The following NOS2 variants were observed in gnomAD, a reference collection of about 807,000 sequenced individuals.
NOS2 encodes nitric oxide synthase 2.
NOS2 carries 96 observed loss-of-function variants against 136.0 expected under a neutral mutation model. The ratio of observed to expected loss-of-function variants is 0.71; its 90% CI spans 0.60 to 0.84. The LOEUF (loss-of-function observed/expected upper bound fraction) is 0.84, where lower values mean the gene tolerates loss of function less well. Ranked by LOEUF, NOS2 falls within the 40% of genes least tolerant of loss-of-function variation. The pLI, the probability that NOS2 is intolerant of heterozygous loss-of-function variation, is 0.00. For synonymous variants in NOS2, 539 were observed against 587.5 expected (o/e 0.92, Z 1.20); for missense variants, 1,237 against 1,496.9 (o/e 0.83, Z 2.87).
chr17:27,770,997 G>A lies in NOS2; in HGVS notation c.1725C>T (p.Tyr575=), dbSNP rs1211585868. 3 of 1,613,906 alleles carry A rather than the reference G, an allele frequency of 1.9e-6. No homozygotes were observed. Among genetic ancestry groups the A allele is most frequent in the South Asian group, 1.1e-5 (1 of 91,042 alleles). ...GTTCCTCCTCCAGGCAGCTCAGCCT[G>A]TACTTATCCATGCAGACAACCTGGA... The part of the protein sequence containing the change: ...FNPKVVCMDK[Y]RLSCLEEERL... Residue 575 remains tyrosine (Y), a synonymous_variant, in exon 15 of 27, where the codon TAC becomes TAT. Coordinates refer to ENST00000313735, the MANE Select transcript of NOS2 (RefSeq NM_000625.4).
intron 2 of NOS2, among the ~76,000 whole-genome samples, chr17:27,796,969 C>T (rs1756158397): frequency 6.6e-6 from 1 of 152,162 alleles, no homozygotes; most frequent in Non-Finnish European, 1.5e-5. Flanking sequence ...GACTGTCCTG[C>T]TCAAGAACCT....
chr17:27,763,324 T>A (rs923492662), intron 21 of NOS2, among the ~76,000 whole-genome samples: 4 of 152,176 alleles, frequency 2.6e-5, no homozygotes, highest in Non-Finnish European at 5.9e-5. Flanking sequence ...TGGCTGGGTG[T>A]CCTCACTAGC....
chr17:27,760,330 A>T lies in NOS2; in HGVS notation c.3011-152T>A. The T allele has an allele frequency of 4.6e-6, 4 of 866,004 alleles. No individual in the cohort carries two copies. The South Asian group carries it at 7.2e-5, about 16-fold the overall frequency. The allele number at this position is 866,004 out of a possible 1,614,324, so 53.6% of individuals were successfully genotyped here. On this transcript the variant is annotated intron_variant, in intron 24 of 26. Transcript: ENST00000313735. ...GGAAACTGAGGCCCAGCGCATTCAG[A>T]TCACTCATCCATAGTCACAGAACTG...
intron 2 of NOS2, among the ~76,000 whole-genome samples, chr17:27,792,705 G>A (rs1048605225): frequency 1.3e-5 from 2 of 151,738 alleles, no homozygotes; most frequent in African/African-American, 4.8e-5. Context: ...GCAGCTGGGC[G>A]CGGTGGCTGA....
rs1301054459 is a variant in NOS2 at position 27,757,266 on chromosome 17, G to A, written c.3442C>T (p.Leu1148=). 3 of 1,613,872 alleles carry A rather than the reference G, an allele frequency of 1.9e-6. No individual in the cohort carries two copies. The highest frequency in any genetic ancestry group is 2.5e-6 in the Non-Finnish European group (3 of 1,179,962). The change falls in exon 27 of 27, where the codon CTG becomes TTG. Residue 1148 remains leucine (L), a synonymous_variant. Coordinates refer to ENST00000313735, the MANE Select transcript of NOS2 (RefSeq NM_000625.4). ...GGCCCTCAGAGCGCTGACATCTCCA[G>A]GCTGCTGGGCTGCACCGCCACCCTG... The part of the protein sequence containing the change: ...KDRVAVQPSS[L]EMSAL
intron 26 of NOS2, among the ~76,000 whole-genome samples, 179 bp from the exon 27 acceptor site, chr17:27,757,532 G>C (rs531009506): frequency 2.0e-5 from 3 of 152,112 alleles, no homozygotes; most frequent in Non-Finnish European, 4.4e-5. Context: ...TCTGGTGCGG[G>C]CCCTCTAACC....
intron 3 of NOS2, among the ~76,000 whole-genome samples, chr17:27,789,288 A>G (rs1909117676): frequency 6.6e-6 from 1 of 152,194 alleles, no homozygotes; most frequent in Non-Finnish European, 1.5e-5. Context: ...ATGTAAGGAC[A>G]TATAAGCCAC....
At position 27,775,373 on chromosome 17, in the gene NOS2, A is replaced by C. The variant is rs189737518; in HGVS notation, c.1282-922T>G. ...AGCACTTTGGGAGGGCGAGACGGGG[A>C]GATCACCTGAGGTCGGGAGTTTGAG... On this transcript the variant is annotated intron_variant, in intron 11 of 26. Transcript: ENST00000313735. 7.9e-5 allele frequency among the ~76,000 whole-genome samples: 12 copies of C among 152,172 alleles called. No individual in the cohort carries two copies. In the East Asian group the frequency reaches 2.3e-3, roughly 29 times the overall value.
At chr17:27,777,862 T>G (rs554027826) in intron 11 of NOS2, among the ~76,000 whole-genome samples, 1 of 151,762 alleles carries the variant, frequency 6.6e-6, no homozygotes, top group Non-Finnish European at 1.5e-5. Flanking sequence ...CTGGGCAACA[T>G]GGAAAAACAC....
In NOS2 at chr17:27,788,796, GC is replaced by G; in HGVS notation, c.318+12del. 1 of 1,610,152 alleles carries G rather than the reference GC, an allele frequency of 6.2e-7. No homozygotes were observed. The highest frequency in any genetic ancestry group is 8.5e-7 in the Non-Finnish European group (1 of 1,177,252). On this transcript the variant is annotated intron_variant, in intron 4 of 26. Transcript: ENST00000313735. Reference sequence around the variant, plus strand: ...TGGGACAAAGGTGGTTCTCCCTGAAGCCCCAGACTTACCCCTTTGGCCTTAT... The same window carrying G: ...TGGGACAAAGGTGGTTCTCCCTGAAGCCCAGACTTACCCCTTTGGCCTTAT...
rs766027567 is a variant in NOS2 at position 27,769,164 on chromosome 17, A to G, written c.1860-13T>C. ...AAACACAGCGTACCTGCCCGAGGAC[A>G]CACACAGAGACACATGTCCCATGCA... On this transcript the variant is annotated splice_polypyrimidine_tract_variant and intron_variant, in intron 16 of 26. Coordinates refer to ENST00000313735, the MANE Select transcript of NOS2 (RefSeq NM_000625.4). 1.3e-6 allele frequency: 2 copies of G among 1,596,802 alleles called. No individual in the cohort carries two copies. Among genetic ancestry groups the G allele is most frequent in the Admixed American group, 3.4e-5 (2 of 59,208 alleles).
Position 27,765,549 on chromosome 17 carries a change from G to T in NOS2, c.2414C>A (p.Ala805Asp), listed in dbSNP as rs199892476. The T allele has an allele frequency of 1.2e-6, 2 of 1,604,450 alleles. No individual in the cohort carries two copies. The highest frequency in any genetic ancestry group is 1.7e-6 in the Non-Finnish European group (2 of 1,176,674). The change falls in exon 20 of 27, where the codon GCC becomes GAC. Residue 805 changes from alanine to aspartate, a missense_variant. Physicochemically the swap from Ala to Asp is moderately radical, Grantham distance 126 (BLOSUM62 -2). Coordinates refer to ENST00000313735, the MANE Select transcript of NOS2 (RefSeq NM_000625.4). Reference protein sequence around the residue: ...PTPHQTVRLEALDESGSYWVS... With the variant: ...PTPHQTVRLEDLDESGSYWVS... ...CCGGGGCTCACCACTCTCATCCAGG[G>T]CCTCCAGGCGCACTGTCTGGTGGGG... is the stretch of plus-strand genomic sequence containing the variant.
In NOS2 at chr17:27,769,157, C is replaced by T. The variant is rs200233926; in HGVS notation, c.1860-6G>A. The T allele has an allele frequency of 1.9e-6, 3 of 1,603,594 alleles. No individual in the cohort carries two copies. The highest frequency in any genetic ancestry group is 2.2e-5 in the East Asian group (1 of 44,810). ...CGAGGCCAAACACAGCGTACCTGCC[C>T]GAGGACACACACAGAGACACATGTC... On this transcript the variant is annotated splice_polypyrimidine_tract_variant and splice_region_variant and intron_variant, in intron 16 of 26. Transcript: ENST00000313735.
At chr17:27,773,326 T>C (rs567799095) in intron 12 of NOS2, 83 bp from the exon 13 acceptor site, 3 of 896,204 alleles carry the variant, frequency 3.3e-6, no homozygotes, top group Admixed American at 2.0e-5. Flanking sequence ...TAGAGGACCC[T>C]TCACACCCAT....
At position 27,778,997 on chromosome 17, in the gene NOS2, A is replaced by G. The variant is rs1239603934; in HGVS notation, c.1064T>C (p.Met355Thr). 6.2e-7 allele frequency: 1 copy of G among 1,611,590 alleles called. No homozygotes were observed. The highest frequency in any genetic ancestry group is 1.3e-5 in the African/African-American group (1 of 74,838). ...KWYALPAVAN[M>T]LLEVGGLEFP... ...CTCCAGGCCGCCCACCTCAAGCAGC[A>G]TGTTGGCCACTGCAGGCAGGGCGTA... The change falls in exon 10 of 27, where the codon ATG (methionine) becomes ACG (threonine). Residue 355 changes from methionine to threonine, a missense_variant. Met to Thr is a moderately conservative substitution (Grantham distance 81). Coordinates refer to ENST00000313735, the MANE Select transcript of NOS2 (RefSeq NM_000625.4).
chr17:27,798,917 A>G, intron 1 of NOS2, 35 bp from the exon 2 acceptor site: 1 of 749,588 alleles, frequency 1.3e-6, no homozygotes, highest in Non-Finnish European at 2.4e-6. Context: ...GGAAGGTTGA[A>G]GAAGAGTTTA....
rs1172267556 is a variant in NOS2 at position 27,782,794 on chromosome 17, C to T, written c.630+150G>A. The T allele has an allele frequency of 4.2e-6, 3 of 715,844 alleles. No individual in the cohort carries two copies. The African/African-American group carries it at 5.3e-5, about 13-fold the overall frequency. The allele number at this position is 715,844 out of a possible 1,614,324, so 44.3% of individuals were successfully genotyped here. A position where few individuals can be genotyped will look rare whatever the true frequency, so the allele number is the denominator to read the frequency against. On this transcript the variant is annotated intron_variant, in intron 6 of 26. Transcript: ENST00000313735. ...TTCTAGAGAGGGACCCTAGGTGCCC[C>T]ATCTCAACATTTGGGAATGTAAGAG...
chr17:27,782,012 G>A lies in NOS2; in HGVS notation c.722+3C>T, dbSNP rs3751971. ...TCTGCAGCCCTGGGAAATGTGCACCGACCTGATGTTGCCATTGTTGGTGGA... is the reference window on the plus strand; with the variant it reads ...TCTGCAGCCCTGGGAAATGTGCACCAACCTGATGTTGCCATTGTTGGTGGA... On this transcript the variant is annotated splice_donor_region_variant and intron_variant, in intron 7 of 26. Transcript: ENST00000313735. 6.2e-5 allele frequency: 100 copies of A among 1,613,424 alleles called. No homozygotes were observed. In the East Asian group the frequency reaches 1.8e-3, roughly 28 times the overall value.
chr17:27,779,208 G>A (rs1259175453), intron 9 of NOS2, 152 bp from the exon 10 acceptor site: 1 of 506,590 alleles, frequency 2.0e-6, no homozygotes, highest in East Asian at 3.6e-5. Flanking sequence ...TAACTCCTGG[G>A]CCCAAGCGAT....
Sources: allele counts gnomAD v4.1 joint callset (sites outside exome capture counted in the v4.1 genomes callset), GRCh38; gene constraint gnomAD v4.1.1; transcripts MANE v1.5; gene names NCBI Gene and HGNC (gene_info 2026-07-23, HGNC 2026-07-21).